MUC12: variants seen among roughly 807,000 people sequenced by gnomAD.
MUC12 encodes mucin-12.
In MUC12, 172 loss-of-function variants were observed where a neutral mutation model predicts 230.8. The observed-to-expected ratio is 0.75, with a 90% CI of 0.66 to 0.85. MUC12 has a LOEUF of 0.85. Ranked by LOEUF, MUC12 falls within the 40% of genes least tolerant of loss-of-function variation. MUC12 has a pLI of 0.00. For synonymous variants in MUC12, 1,259 were observed against 2,401.9 expected (o/e 0.52, Z 13.91); for missense variants, 3,506 against 5,920.6 (o/e 0.59, Z 13.38).
chr7:101,004,312 A>G lies in MUC12; in HGVS notation c.13749A>G (p.Ala4583=). 1.9e-6 allele frequency: 2 copies of G among 1,068,636 alleles called. No homozygotes were observed. The highest frequency in any genetic ancestry group is 2.9e-5 in the Admixed American group (1 of 35,068). The allele number at this position is 1,068,636 out of a possible 1,614,324, so 66.2% of individuals were successfully genotyped here. A position where few individuals can be genotyped will look rare whatever the true frequency, so the allele number is the denominator to read the frequency against. The stretch of plus-strand genomic sequence containing the variant: ...CAACAGTCCACAGCAGCCCAGTTGC[A>G]ACTGCAACAACACCCTCGCCTGCCC... ...ESTTVHSSPV[A]TATTPSPARS... Residue 4583 remains alanine (A), a synonymous_variant, in exon 2 of 12, where the codon GCA becomes GCG. Transcript: ENST00000536621.
intron 1 of MUC12, 84 bp from the exon 2 acceptor site, chr7:100,990,547 C>G: frequency 6.7e-7 from 1 of 1,491,442 alleles, no homozygotes; most frequent in South Asian, 1.2e-5. Flanking sequence ...TCTTCCAGCC[C>G]GGATGTGTCA....
At chr7:100,987,249 T>A (rs924546800) in intron 1 of MUC12, among the ~76,000 whole-genome samples, 1 of 152,058 alleles carries the variant, frequency 6.6e-6, no homozygotes, top group Admixed American at 6.5e-5. Context: ...GTATTTTTAG[T>A]AGGGATGGGG....
At chr7:100,989,476 G>A (rs1793245132) in intron 1 of MUC12, among the ~76,000 whole-genome samples, 1 of 152,008 alleles carries the variant, frequency 6.6e-6, no homozygotes, top group Non-Finnish European at 1.5e-5. Flanking sequence ...TATAAGGTCT[G>A]CAAAATGCAG....
chr7:100,981,364 C>A, intron 1 of MUC12: 1 of 639,564 alleles, frequency 1.6e-6, no homozygotes, highest in South Asian at 1.7e-5. Context: ...CTTGTCCCTC[C>A]TGCAGCGAGT....
rs1220815509 is a variant in MUC12, at chr7:100,995,756, C to G, written c.5193C>G (p.Ser1731Arg). ...SSTPTTHFSA[S>R]STTLGRSEES... is the part of the protein sequence containing the mutation. The stretch of plus-strand genomic sequence containing the variant: ...CTCCAACAACCCACTTTTCTGCCAG[C>G]TCCACAACCTTGGGCCGTAGTGAGG... Residue 1731 changes from serine (S) to arginine (R), a missense_variant, in exon 2 of 12, where the codon AGC becomes AGG. Transcript: ENST00000536621. The G allele has an allele frequency of 5.2e-6, 8 of 1,533,932 alleles. No individual in the cohort carries two copies. Among genetic ancestry groups the G allele is most frequent in the Non-Finnish European group, 7.0e-6 (8 of 1,145,966 alleles).
At chr7:100,972,300 C>G in intron 1 of MUC12, 1 of 684,950 alleles carries the variant, frequency 1.5e-6, no homozygotes, top group South Asian at 1.6e-5. Context: ...GGATTTGTGT[C>G]CTGCGCCCCT....
At chr7:100,969,710 G>T in intron 1 of MUC12, 21 bp downstream of exon 1, 3 of 1,537,376 alleles carry the variant, frequency 2.0e-6, no homozygotes, top group Non-Finnish European at 2.6e-6. Context: ...CTGGGCTGAT[G>T]CTCCAGGTCC....
In MUC12 at chr7:101,006,498, A is replaced by G; in HGVS notation, c.14984A>G (p.Asn4995Ser). 1 of 1,537,212 alleles carries G rather than the reference A, an allele frequency of 6.5e-7. No individual in the cohort carries two copies. The change falls in exon 3 of 12, where the codon AAT becomes AGT. Residue 4995 changes from asparagine to serine, a missense_variant. By Grantham distance (46) the Asn-to-Ser change is conservative. Coordinates refer to ENST00000536621, the MANE Select transcript of MUC12 (RefSeq NM_001164462.2). Reference sequence around the variant, plus strand: ...TTGTGCCAGGAAGGACAAATTTGGAATGGAAAACAATGCGTCTGTCCCCAA... The same window carrying G: ...TTGTGCCAGGAAGGACAAATTTGGAGTGGAAAACAATGCGTCTGTCCCCAA... ...PGLCQEGQIW[N>S]GKQCVCPQGY...
chr7:101,015,553 G>A (rs1213687724), intron 9 of MUC12, 62 bp from the exon 10 acceptor site: 3 of 1,422,746 alleles, frequency 2.1e-6, no homozygotes, highest in African/African-American at 1.4e-5. Flanking sequence ...TGAAGGTCAG[G>A]GTCCACCAAG....
rs1445838357 is a variant in MUC12 at position 101,004,713 on chromosome 7, C to T, written c.14150C>T (p.Ser4717Phe). Residue 4717 changes from serine to phenylalanine, a missense_variant, in exon 2 of 12, where the codon TCT becomes TTT. Physicochemically the swap from Ser to Phe is radical, Grantham distance 155. Coordinates refer to ENST00000536621, the MANE Select transcript of MUC12 (RefSeq NM_001164462.2). ...RIAESTTFYI[S>F]PGSMETTLAS... ...GCAGAATCTACCACCTTCTATATCT[C>T]TCCAGGCTCAATGGAAACAACATTA... 2 of 1,537,012 alleles carry T rather than the reference C, an allele frequency of 1.3e-6. No individual in the cohort carries two copies. The highest frequency in any genetic ancestry group is 2.4e-5 in the East Asian group (1 of 40,898).
In MUC12 at chr7:101,005,070, T is replaced by C. The variant is rs533472340; in HGVS notation, c.14507T>C (p.Val4836Ala). ...CAACCAGGCTCAGCTCTGTCAACAGTGTCACCTGCCAGCACCACAGTGCCA... is the reference window on the plus strand; with the variant it reads ...CAACCAGGCTCAGCTCTGTCAACAGCGTCACCTGCCAGCACCACAGTGCCA... The part of the protein sequence containing the change: ...HSQPGSALST[V>A]SPASTTVPGL... The change falls in exon 2 of 12, where the codon GTG becomes GCG. Residue 4836 changes from valine to alanine, a missense_variant. Val to Ala is a moderately conservative substitution (Grantham distance 64). Coordinates refer to ENST00000536621, the MANE Select transcript of MUC12 (RefSeq NM_001164462.2). 2.6e-6 allele frequency: 4 copies of C among 1,537,764 alleles called. No homozygotes were observed. The highest frequency in any genetic ancestry group is 1.4e-5 in the African/African-American group (1 of 73,130).
In MUC12 at chr7:100,990,730, TC is replaced by T; in HGVS notation, c.168del (p.Thr57HisfsTer77). 1 of 1,537,830 alleles carries T rather than the reference TC, an allele frequency of 6.5e-7. No individual in the cohort carries two copies. The highest frequency in any genetic ancestry group is 8.7e-7 in the Non-Finnish European group (1 of 1,147,040). ...FTTFSDYGVS[V>X]TFITGSTATK... is the part of the protein sequence containing the mutation. ...ACCTTTAGTGACTATGGGGTGTCAG[TC>T]ACATTTATCACGGGCTCAACTGCAA... is the stretch of plus-strand genomic sequence containing the variant. On this transcript the variant is annotated frameshift_variant, in exon 2 of 12. Coordinates refer to ENST00000536621, the MANE Select transcript of MUC12 (RefSeq NM_001164462.2). LOFTEE classifies it high-confidence loss of function.
In MUC12 at chr7:101,018,582, T is replaced by TCCCGTCC; in HGVS notation, c.15967-9_15967-3dup. On this transcript the variant is annotated splice_polypyrimidine_tract_variant and intron_variant, in intron 11 of 11. Transcript: ENST00000536621. The stretch of plus-strand genomic sequence containing the variant: ...CTGCCCCTTGGCCTCACCTCTTCTC[T>TCCCGTCC]CCCGTCCCCCAGCTCCACATCCAGA... 6.5e-7 allele frequency: 1 copy of TCCCGTCC among 1,534,904 alleles called. No individual in the cohort carries two copies. Among genetic ancestry groups the TCCCGTCC allele is most frequent in the Middle Eastern group, 1.7e-4 (1 of 5,976 alleles).
chr7:100,992,076 AC>A lies in MUC12; in HGVS notation c.1514del (p.Thr505LysfsTer8). On this transcript the variant is annotated frameshift_variant, in exon 2 of 12. Coordinates refer to ENST00000536621, the MANE Select transcript of MUC12 (RefSeq NM_001164462.2). LOFTEE classifies it high-confidence loss of function. ...CTACAGTAGCCCCAGATCACCAGAC[AC>A]AACACACTTACCTGCCAGCATGACA... Reference protein sequence around the residue: ...TFYSSPRSPDTTHLPASMTSS... With the variant: ...TFYSSPRSPDXTHLPASMTSS... 6 of 1,537,304 alleles carry A rather than the reference AC, an allele frequency of 3.9e-6. No individual in the cohort carries two copies. Among genetic ancestry groups the A allele is most frequent in the Non-Finnish European group, 5.2e-6 (6 of 1,146,670 alleles).
At chr7:101,015,518 C>G (rs1174202152) in intron 9 of MUC12, 97 bp from the exon 10 acceptor site, 15 of 998,474 alleles carry the variant, frequency 1.5e-5, no homozygotes, top group Middle Eastern at 4.2e-4. Context: ...CGGGGTGTGG[C>G]TGTGACTGTC....
chr7:101,008,318 G>T (rs990567943), intron 3 of MUC12, among the ~76,000 whole-genome samples: 1 of 151,396 alleles, frequency 6.6e-6, no homozygotes, highest in Non-Finnish European at 1.5e-5. Flanking sequence ...TGGAGACAGG[G>T]TCTCACTTTG....
intron 1 of MUC12, among the ~76,000 whole-genome samples, chr7:100,976,802 A>G (rs1354047857): frequency 6.6e-6 from 1 of 150,400 alleles, no homozygotes; most frequent in Non-Finnish European, 1.5e-5. Context: ...TGTAATCCCA[A>G]CACTTTGGGA....
At chr7:100,979,493 G>T (rs1170043423) in intron 1 of MUC12, among the ~76,000 whole-genome samples, 1 of 146,430 alleles carries the variant, frequency 6.8e-6, no homozygotes, top group East Asian at 1.9e-4. Context: ...AAAATAAAAT[G>T]TATATAGGCA....
At chr7:100,986,720 C>T (rs1262565536) in intron 1 of MUC12, among the ~76,000 whole-genome samples, 1 of 152,170 alleles carries the variant, frequency 6.6e-6, no homozygotes, top group Non-Finnish European at 1.5e-5. Context: ...ACCGTCTCCT[C>T]TGCCAGGGGC....
Sources: allele counts gnomAD v4.1 joint callset (sites outside exome capture counted in the v4.1 genomes callset), GRCh38; gene constraint gnomAD v4.1.1; transcripts MANE v1.5; gene names NCBI Gene and HGNC (gene_info 2026-07-23, HGNC 2026-07-21).